Variants in TJP3 observed in about 807,000 individuals in gnomAD.
TJP3 encodes tight junction protein 3.
In TJP3, 85 loss-of-function variants were observed where a neutral mutation model predicts 104.2. That is an observed-to-expected ratio of 0.82 (90% CI 0.68 to 0.98). The LOEUF (loss-of-function observed/expected upper bound fraction) is 0.98. Ranked by LOEUF, TJP3 falls within the 50% of genes least tolerant of loss-of-function variation. The probability of loss-of-function intolerance (pLI) is 0.00; values close to 1 mark genes in which losing one functional copy is unlikely to be tolerated. For synonymous variants in TJP3, 550 were observed against 550.6 expected (o/e 1.00, Z 0.02); for missense variants, 1,367 against 1,322.8 (o/e 1.03, Z -0.52).
At chr19:3,732,638 T>C (rs936997502) in intron 6 of TJP3, among the ~76,000 whole-genome samples, 2 of 151,844 alleles carry the variant, frequency 1.3e-5, no homozygotes, top group Non-Finnish European at 2.9e-5. Context: ...GCCTCCCGAG[T>C]AGCTGGGATT....
intron 2 of TJP3, 34 bp downstream of exon 2, chr19:3,728,514 G>C (rs1210204047): frequency 6.2e-7 from 1 of 1,602,886 alleles, no homozygotes; most frequent in African/African-American, 1.3e-5. Context: ...GGGTGCCAGA[G>C]AGTATGGCGG....
intron 11 of TJP3, among the ~76,000 whole-genome samples, chr19:3,737,891 A>G (rs1316165043): frequency 6.6e-6 from 1 of 151,788 alleles, no homozygotes; most frequent in Non-Finnish European, 1.5e-5. Flanking sequence ...CCCTGTTATG[A>G]CCCTGAGAGC....
Position 3,750,626 on chromosome 19 carries a change from A to G in TJP3, c.2702A>G (p.His901Arg), listed in dbSNP as rs923209402. The stretch of plus-strand genomic sequence containing the variant: ...CTGAAGAAAAAGTTTATGCGAGTAC[A>G]TGATGCGGAGTCCTCCGATGAAGAC... Reference protein sequence around the residue: ...EALKKKFMRVHDAESSDEDGY... With the variant: ...EALKKKFMRVRDAESSDEDGY... Residue 901 changes from histidine (H) to arginine (R), a missense_variant, in exon 21 of 21, where the codon CAT becomes CGT. His to Arg is a conservative substitution (Grantham distance 29). Coordinates refer to ENST00000541714, the MANE Select transcript of TJP3 (RefSeq NM_001267560.2). 1 of 1,609,148 alleles carries G rather than the reference A, an allele frequency of 6.2e-7. No individual in the cohort carries two copies. Among genetic ancestry groups the G allele is most frequent in the Non-Finnish European group, 8.5e-7 (1 of 1,177,886 alleles).
chr19:3,712,423 C>T (rs2036442077), intron 1 of TJP3, among the ~76,000 whole-genome samples: 1 of 152,194 alleles, frequency 6.6e-6, no homozygotes, highest in South Asian at 2.1e-4. Flanking sequence ...TTTGGCTTTC[C>T]CACTGGGGGC....
Position 3,722,864 on chromosome 19 carries a change from G to GGGC in TJP3, c.-9-5558_-9-5557insCGG, listed in dbSNP as rs1555737720. ...TCCTGGAGATGGGGTGGCGGGGGGG[G>GGGC]GGGGCACAGGGGACGGCGGCCCGGG... On this transcript the variant is annotated intron_variant, in intron 1 of 20. Transcript: ENST00000541714. Among the ~76,000 whole-genome samples, 6 of 126,528 alleles carry GGGC rather than the reference G, an allele frequency of 4.7e-5. 2 individuals carry two copies. The highest frequency in any genetic ancestry group is 9.9e-5 in the Non-Finnish European group (6 of 60,904). 83.0% of individuals were successfully genotyped at this position (126,528 alleles called of 152,430 possible).
Position 3,746,909 on chromosome 19 carries a change from A to AG in TJP3, c.2322+35dup. On this transcript the variant is annotated intron_variant, in intron 18 of 20. Transcript: ENST00000541714. This position sits in a 1 kb window ranked among gnomAD's most constrained non-coding sequence, Gnocchi z 4.1. ...CGCGGTGTGGGTGGGTCGGGCAGGG[A>AG]GGCCCCACAGACGCTGTGCAGGCCC... 1 of 1,551,262 alleles carries AG rather than the reference A, an allele frequency of 6.4e-7. No individual in the cohort carries two copies. The highest frequency in any genetic ancestry group is 2.3e-5 in the East Asian group (1 of 42,722).
chr19:3,720,758 G>A (rs2036533297), intron 1 of TJP3, among the ~76,000 whole-genome samples: 2 of 151,928 alleles, frequency 1.3e-5, no homozygotes, highest in African/African-American at 4.8e-5. Context: ...GCCCCTGAGC[G>A]GGAGGCTGGG....
intron 1 of TJP3, chr19:3,721,872 T>A: frequency 8.2e-7 from 1 of 1,223,000 alleles, no homozygotes; most frequent in Non-Finnish European, 1.0e-6. Context: ...GTAGGGGGGC[T>A]GGAGAGCCCC....
In TJP3 at chr19:3,731,983, AT is replaced by A. The variant is rs1454398537; in HGVS notation, c.664del (p.Ser222ArgfsTer29). The A allele has an allele frequency of 6.2e-7, 1 of 1,613,668 alleles. No individual in the cohort carries two copies. Among genetic ancestry groups the A allele is most frequent in the African/African-American group, 1.3e-5 (1 of 75,008 alleles). On this transcript the variant is annotated frameshift_variant, in exon 6 of 21. Transcript: ENST00000541714. LOFTEE classifies it high-confidence loss of function. ...CAGATCTTCATCAAGCACATTACAG[AT>A]TCGGGCCTGGCTGCCCGGCACCGTG... Reference protein sequence around the residue: ...GSQIFIKHITDSGLAARHRGL... With the variant: ...GSQIFIKHITXSGLAARHRGL...
intron 1 of TJP3, among the ~76,000 whole-genome samples, chr19:3,710,403 G>A (rs1034428367): frequency 3.3e-5 from 5 of 152,216 alleles, no homozygotes; most frequent in Middle Eastern, 3.4e-3. Flanking sequence ...GAGTCAAGAC[G>A]CAGAGGACAG....
At chr19:3,736,442 G>T in intron 11 of TJP3, 121 bp downstream of exon 11, 1 of 1,015,040 alleles carries the variant, frequency 9.9e-7, no homozygotes, top group Non-Finnish European at 1.3e-6. Context: ...CCCCAGATGG[G>T]TATTTGAACA....
At position 3,736,146 on chromosome 19, in the gene TJP3, T is replaced by C. The variant is rs1198803609; in HGVS notation, c.1128-19T>C. The C allele has an allele frequency of 6.4e-7, 1 of 1,572,498 alleles. No homozygotes were observed. The highest frequency in any genetic ancestry group is 1.2e-5 in the South Asian group (1 of 84,864). On this transcript the variant is annotated intron_variant, in intron 10 of 20. Transcript: ENST00000541714. ...GTCCGCCCACTCTGCTCTGACCCCA[T>C]CTCTGCCTCCCCTTGCAGGTACAGC... is the stretch of plus-strand genomic sequence containing the variant.
At chr19:3,729,891 G>C in intron 3 of TJP3, 137 bp from the exon 4 acceptor site, 2 of 668,966 alleles carry the variant, frequency 3.0e-6, no homozygotes, top group South Asian at 3.5e-5. Context: ...ATGTCTTTGT[G>C]AACCTAGGGA....
At chr19:3,734,723 G>A (rs1264013996) in intron 8 of TJP3, among the ~76,000 whole-genome samples, 1 of 152,174 alleles carries the variant, frequency 6.6e-6, no homozygotes, top group African/African-American at 2.4e-5. Flanking sequence ...GGGAGGCCGA[G>A]GAGGGTGGAT....
rs750965318 is a variant in TJP3, at chr19:3,750,657, T to C, written c.2733T>C (p.Tyr911=). Residue 911 remains tyrosine, a synonymous_variant, in exon 21 of 21, where the codon TAT becomes TAC. Transcript: ENST00000541714. ...CGGAGTCCTCCGATGAAGACGGCTATGACTGGGGTCCGGCCACTGACCTGT... is the reference window on the plus strand; with the variant it reads ...CGGAGTCCTCCGATGAAGACGGCTACGACTGGGGTCCGGCCACTGACCTGT... ...HDAESSDEDG[Y]DWGPATDL is the part of the protein sequence containing the mutation. 3.1e-6 allele frequency: 5 copies of C among 1,605,688 alleles called. No homozygotes were observed. Among genetic ancestry groups the C allele is most frequent in the Non-Finnish European group, 3.4e-6 (4 of 1,176,162 alleles).
chr19:3,709,433 T>C (rs577827701), intron 1 of TJP3, among the ~76,000 whole-genome samples: 13 of 152,212 alleles, frequency 8.5e-5, no homozygotes, highest in Middle Eastern at 3.4e-3. Context: ...GCAAAATCTC[T>C]GTGGGATGGG....
At position 3,736,245 on chromosome 19, in the gene TJP3, G is replaced by A. The variant is rs776762957; in HGVS notation, c.1208G>A (p.Gly403Asp). Reference sequence around the variant, plus strand: ...CGGCTGGCAGGGGGCAATGACGTGGGCATCTTCGTGTCCGGGGTGCAGGCG... The same window carrying A: ...CGGCTGGCAGGGGGCAATGACGTGGACATCTTCGTGTCCGGGGTGCAGGCG... ...GLRLAGGNDV[G>D]IFVSGVQAGS... The change falls in exon 11 of 21, where the codon GGC (glycine) becomes GAC (aspartate). Residue 403 changes from glycine (G) to aspartate (D), a missense_variant. Gly to Asp is a moderately conservative substitution (Grantham distance 94). Transcript: ENST00000541714. The A allele has an allele frequency of 4.4e-6, 7 of 1,573,176 alleles. No individual in the cohort carries two copies. The highest frequency in any genetic ancestry group is 6.0e-6 in the Non-Finnish European group (7 of 1,159,998).
In TJP3 at chr19:3,734,402, G is replaced by C. The variant is rs200603772; in HGVS notation, c.953G>C (p.Arg318Pro). The C allele has an allele frequency of 1.1e-5, 17 of 1,612,178 alleles. No homozygotes were observed. In the African/African-American group the frequency reaches 2.1e-4, roughly 20 times the overall value. The change falls in exon 8 of 21, where the codon CGG becomes CCG. Residue 318 changes from arginine (R) to proline (P), a missense_variant. By Grantham distance (103) the Arg-to-Pro change is moderately radical. Coordinates refer to ENST00000541714, the MANE Select transcript of TJP3 (RefSeq NM_001267560.2). ...CCACCACCACCCCGGCATGCTCAGC[G>C]GAGCCCCGAGGCCAGCCAGACCGAC... is the stretch of plus-strand genomic sequence containing the variant. ...HIPPPPRHAQ[R>P]SPEASQTDSP...
At chr19:3,748,278 T>TC (rs2036934478) in intron 19 of TJP3, among the ~76,000 whole-genome samples, 197 bp downstream of exon 19, 1 of 149,978 alleles carries the variant, frequency 6.7e-6, no homozygotes, top group African/African-American at 2.5e-5. Flanking sequence ...TTTTTTTTTT[T>TC]TTTTTTTTTT....
Sources: allele counts gnomAD v4.1 joint callset (sites outside exome capture counted in the v4.1 genomes callset), GRCh38; gene constraint gnomAD v4.1.1; non-coding constraint Gnocchi (gnomAD v3.1); transcripts MANE v1.5; gene names NCBI Gene and HGNC (gene_info 2026-07-23, HGNC 2026-07-21).